The following HPSE2 variants were observed in gnomAD, a reference collection of about 807,000 sequenced individuals.
The protein encoded by HPSE2 is heparanase 2 (inactive), also known as inactive heparanase-2.
In HPSE2, 38 loss-of-function variants were observed where a neutral mutation model predicts 60.5. That is an observed-to-expected ratio of 0.63 (90% CI 0.48 to 0.82). The LOEUF is 0.82. HPSE2 is among the 40% of genes least tolerant of loss of function. The pLI is 0.00. For missense variants in HPSE2, 713 were observed against 740.4 expected (o/e 0.96, Z 0.43); for synonymous variants, 295 against 293.2 (o/e 1.01, Z -0.06).
At chr10:98,927,393 G>A (rs1184601401) in intron 3 of HPSE2, among the ~76,000 whole-genome samples, 56 of 151,504 alleles carry the variant, frequency 3.7e-4, no homozygotes, top group Non-Finnish European at 6.5e-4. Context: ...AATCAATATC[G>A]TGAAAATGGC....
chr10:99,210,191 T>C (rs181593029), intron 2 of HPSE2, among the ~76,000 whole-genome samples: 1 of 152,256 alleles, frequency 6.6e-6, no homozygotes, highest in Non-Finnish European at 1.5e-5. Context: ...GATAAATTCC[T>C]AGACACACAC....
the HPSE2 span, among the ~76,000 whole-genome samples, chr10:99,250,479 TA>T: frequency 3.3e-5 from 5 of 152,306 alleles, no homozygotes; most frequent in African/African-American, 1.2e-4. Context: ...AATCTGGACT[TA>T]AACATGACAC....
At chr10:98,709,894 C>T (rs1056969154) in intron 5 of HPSE2, among the ~76,000 whole-genome samples, 3 of 146,396 alleles carry the variant, frequency 2.0e-5, no homozygotes, top group Admixed American at 1.3e-4. Flanking sequence ...CTGAATTTTG[C>T]TCCCAGGAAA....
intron 4 of HPSE2, among the ~76,000 whole-genome samples, chr10:98,742,018 G>A (rs561527072): frequency 6.6e-6 from 1 of 152,126 alleles, no homozygotes; most frequent in Non-Finnish European, 1.5e-5. Flanking sequence ...GGGATGGAAA[G>A]GGATCAGTAA....
At chr10:98,810,503 C>T (rs905353143) in intron 3 of HPSE2, among the ~76,000 whole-genome samples, 6 of 152,116 alleles carry the variant, frequency 3.9e-5, no homozygotes, top group South Asian at 2.1e-4. Flanking sequence ...AGTTACAACC[C>T]GGCTTTCCCT....
intron 11 of HPSE2, among the ~76,000 whole-genome samples, chr10:98,476,162 T>C (rs1401273051): frequency 5.9e-5 from 9 of 151,412 alleles, no homozygotes; most frequent in Non-Finnish European, 1.0e-4. Context: ...GATGAGTTCA[T>C]GTCCTTTGTA....
chr10:99,235,089 TC>T lies in HPSE2; in HGVS notation c.290+423del, dbSNP rs527930927. On this transcript the variant is annotated intron_variant, in intron 1 of 11. Transcript: ENST00000370552. ...CTTGAACACTCACACACACACACTC[TC>T]CTGTCTCACATACACACACACACAC... Among the ~76,000 whole-genome samples, 6 of 120,258 alleles carry T rather than the reference TC, an allele frequency of 5.0e-5. No homozygotes were observed. In the East Asian group the frequency reaches 1.5e-3, roughly 30 times the overall value. 78.9% of individuals were successfully genotyped at this position (120,258 alleles called of 152,430 possible).
At chr10:99,158,460 G>A (rs1479317267) in intron 2 of HPSE2, among the ~76,000 whole-genome samples, 1 of 111,726 alleles carries the variant, frequency 9.0e-6, no homozygotes, top group African/African-American at 3.0e-5. Context: ...GTAGGGACAT[G>A]GATGAAATTG....
intron 4 of HPSE2, among the ~76,000 whole-genome samples, chr10:98,739,638 G>A (rs1231213385): frequency 6.6e-6 from 1 of 152,032 alleles, no homozygotes; most frequent in South Asian, 2.1e-4. Context: ...AAATTACTTA[G>A]TAGACAGGCT....
intron 9 of HPSE2, among the ~76,000 whole-genome samples, chr10:98,600,761 TAC>T (rs200394884): frequency 0.024 from 3,611 of 148,350 alleles, 144 homozygotes; most frequent in African/African-American, 0.083. Flanking sequence ...AAAAAAAATA[TAC>T]ACACATATAT....
rs796940758 is a variant in HPSE2, at chr10:98,699,672, T to C, written c.957-5725A>G. On this transcript the variant is annotated intron_variant, in intron 5 of 11. Transcript: ENST00000370552. ...TTAGGCAGGAGAAGGAAATAAAGGG[T>C]ATTCAATTAGGAAAAGGGGAAGTCA... is the stretch of plus-strand genomic sequence containing the variant. 2.7e-4 allele frequency among the ~76,000 whole-genome samples: 34 copies of C among 126,582 alleles called. No individual in the cohort carries two copies. The South Asian group carries it at 0.011, about 40-fold the overall frequency. The allele number at this position is 126,582 out of a possible 152,430, so 83.0% of individuals were successfully genotyped here.
chr10:98,818,247 A>G (rs1383638829), intron 3 of HPSE2, among the ~76,000 whole-genome samples: 22 of 152,160 alleles, frequency 1.4e-4, no homozygotes, highest in Admixed American at 1.4e-3. Flanking sequence ...AGCAGTCCCC[A>G]ATCTTTTTGA....
chr10:99,025,872 TAAAAG>T (rs1957366818), intron 3 of HPSE2, among the ~76,000 whole-genome samples: 1 of 97,070 alleles, frequency 1.0e-5, no homozygotes, highest in Admixed American at 1.1e-4. Context: ...GCCCCAAACC[TAAAAG>T]AAAAGTTAAA....
chr10:98,903,164 A>C (rs1204750369), intron 3 of HPSE2, among the ~76,000 whole-genome samples: 4 of 152,146 alleles, frequency 2.6e-5, no homozygotes, highest in African/African-American at 9.6e-5. Context: ...GAATGAAGAC[A>C]GTCACCAAAG....
chr10:99,173,174 G>C (rs1296237869), intron 2 of HPSE2, among the ~76,000 whole-genome samples: 1 of 152,162 alleles, frequency 6.6e-6, no homozygotes, highest in Non-Finnish European at 1.5e-5. Context: ...CTGGAGAGAT[G>C]TCAGAGGCCC....
intron 3 of HPSE2, among the ~76,000 whole-genome samples, chr10:98,818,606 A>G (rs1414652642): frequency 4.6e-5 from 7 of 152,166 alleles, no homozygotes; most frequent in Non-Finnish European, 7.3e-5. Context: ...TTGCCTTCCA[A>G]TAGGGAGAAA....
In HPSE2 at chr10:98,630,905, AT is replaced by A. The variant is rs753739221; in HGVS notation, c.1099-10198del. Among the ~76,000 whole-genome samples, 62 of 152,156 alleles carry A rather than the reference AT, an allele frequency of 4.1e-4. 3 individuals are homozygous for A. Among genetic ancestry groups the A allele is most frequent in the East Asian group, 2.7e-3 (14 of 5,172 alleles). The stretch of plus-strand genomic sequence containing the variant: ...AGGGCTCTGTTCACTTTCTAATTCA[AT>A]TTCCTGTTTGAGGAGACCCACAACT... On this transcript the variant is annotated intron_variant, in intron 7 of 11. Transcript: ENST00000370552.
At chr10:99,270,666 G>A in the HPSE2 span, among the ~76,000 whole-genome samples, 1 of 151,944 alleles carries the variant, frequency 6.6e-6, no homozygotes, top group African/African-American at 2.4e-5. Flanking sequence ...ACCAAAACAG[G>A]AAAGGATATA....
intron 6 of HPSE2, among the ~76,000 whole-genome samples, chr10:98,680,384 A>C (rs1299005674): frequency 6.6e-6 from 1 of 152,218 alleles, no homozygotes; most frequent in Non-Finnish European, 1.5e-5. Context: ...AATACAAGTG[A>C]TGATGAAATA....
Sources: allele counts gnomAD v4.1 joint callset (sites outside exome capture counted in the v4.1 genomes callset), GRCh38; gene constraint gnomAD v4.1.1; transcripts MANE v1.5; gene names NCBI Gene and HGNC (gene_info 2026-07-23, HGNC 2026-07-21).